CTNNA2: variants seen among roughly 807,000 people sequenced by gnomAD.
The protein encoded by CTNNA2 is catenin alpha 2.
CTNNA2 carries 42 observed loss-of-function variants against 101.0 expected under a neutral mutation model. The observed-to-expected ratio is 0.42, with a 90% CI of 0.32 to 0.54. The LOEUF is 0.54. CTNNA2 is among the 20% of genes least tolerant of loss of function. The pLI, the probability that CTNNA2 is intolerant of heterozygous loss-of-function variation, is 0.14. For synonymous variants in CTNNA2, 450 were observed against 456.4 expected, an observed-to-expected ratio of 0.99 and a Z score of 0.18; for missense variants, 871 against 1,223.1, an observed-to-expected ratio of 0.71 and a Z score of 4.29.
intron 2 of CTNNA2, among the ~76,000 whole-genome samples, chr2:79,284,197 G>A (rs367934246): frequency 0.04 from 477 of 11,998 alleles, 13 homozygotes; most frequent in Non-Finnish European, 0.044. Flanking sequence ...CAATCATGTC[G>A]TCTGCAAACA....
chr2:79,866,738 A>G (rs1049796590), intron 4 of CTNNA2, among the ~76,000 whole-genome samples: 7 of 152,194 alleles, frequency 4.6e-5, no homozygotes, highest in African/African-American at 1.7e-4. Context: ...TGGTGTCTCT[A>G]TTTAATGAGC....
chr2:80,093,921 G>A (rs1468826853), intron 7 of CTNNA2, among the ~76,000 whole-genome samples: 8 of 151,896 alleles, frequency 5.3e-5, no homozygotes, highest in Admixed American at 2.0e-4. Context: ...TGTCAGATGA[G>A]TAGGTTGCAA....
At chr2:80,307,893 G>C (rs904407994) in intron 7 of CTNNA2, among the ~76,000 whole-genome samples, 5 of 152,184 alleles carry the variant, frequency 3.3e-5, no homozygotes, top group African/African-American at 1.2e-4. Flanking sequence ...TGAAAATATG[G>C]ATTCAGCAAA....
At chr2:79,838,020 C>T (rs981439930) in intron 3 of CTNNA2, among the ~76,000 whole-genome samples, 2 of 151,934 alleles carry the variant, frequency 1.3e-5, no homozygotes, top group African/African-American at 2.4e-5. Flanking sequence ...TGGGCCAAGT[C>T]CTCTACACTG....
chr2:80,326,005 T>C (rs1679206181), intron 7 of CTNNA2, among the ~76,000 whole-genome samples: 1 of 152,166 alleles, frequency 6.6e-6, no homozygotes, highest in East Asian at 1.9e-4. Context: ...GCTTCATGCA[T>C]TTGGTCATGT....
intron 2 of CTNNA2, among the ~76,000 whole-genome samples, chr2:79,252,749 A>G (rs1418143659): frequency 6.6e-6 from 1 of 151,896 alleles, no homozygotes. Flanking sequence ...AATGCATTTT[A>G]TAATTGGTAT....
chr2:79,564,441 A>AT (rs996281350), intron 1 of CTNNA2, among the ~76,000 whole-genome samples: 7 of 152,072 alleles, frequency 4.6e-5, no homozygotes, highest in Non-Finnish European at 1.0e-4. Context: ...TTATTGATAT[A>AT]TTTTTACAGA....
chr2:79,780,134 C>T (rs1674314307), intron 3 of CTNNA2, among the ~76,000 whole-genome samples: 1 of 152,164 alleles, frequency 6.6e-6, no homozygotes, highest in Non-Finnish European at 1.5e-5. Context: ...TGTGAATCCA[C>T]CTAGAACTTG....
At chr2:79,321,396 T>G (rs551975440) in intron 3 of CTNNA2, among the ~76,000 whole-genome samples, 2 of 147,766 alleles carry the variant, frequency 1.4e-5, no homozygotes, top group African/African-American at 2.5e-5. Context: ...CGTATGAAAG[T>G]AATTTGGGGC....
At chr2:79,302,426 G>C (rs6760878) in intron 2 of CTNNA2, among the ~76,000 whole-genome samples, 55,175 of 151,946 alleles carry the variant, frequency 0.36, 10,691 homozygotes, top group African/African-American at 0.5. Context: ...TGTCACTTGA[G>C]TAAAGAGTAG....
chr2:79,677,929 A>G (rs1331976476), intron 2 of CTNNA2, among the ~76,000 whole-genome samples: 1 of 152,214 alleles, frequency 6.6e-6, no homozygotes, highest in Non-Finnish European at 1.5e-5. Context: ...ATGTTTTGCA[A>G]CTCACTGAGG....
At chr2:80,246,498 A>G (rs957171566) in intron 7 of CTNNA2, among the ~76,000 whole-genome samples, 2 of 152,234 alleles carry the variant, frequency 1.3e-5, no homozygotes, top group African/African-American at 4.8e-5. Flanking sequence ...GAAAATAATC[A>G]GAGCATTGGA....
intron 7 of CTNNA2, among the ~76,000 whole-genome samples, chr2:80,015,830 T>G (rs1694104692): frequency 6.6e-6 from 1 of 152,192 alleles, no homozygotes; most frequent in Non-Finnish European, 1.5e-5. Context: ...TCCATCTAAT[T>G]TTCATACCCA....
At chr2:80,230,365 G>A (rs1218404553) in intron 7 of CTNNA2, among the ~76,000 whole-genome samples, 2 of 150,664 alleles carry the variant, frequency 1.3e-5, no homozygotes, top group African/African-American at 4.9e-5. Flanking sequence ...CAAAGTGGTA[G>A]GATTGTAGGT....
chr2:79,962,915 T>TA (rs1334368827), intron 7 of CTNNA2, among the ~76,000 whole-genome samples: 1 of 151,566 alleles, frequency 6.6e-6, no homozygotes, highest in Non-Finnish European at 1.5e-5. Context: ...ACTAAAAATA[T>TA]AAAAAATTAA....
At chr2:79,655,512 T>TAA (rs1681547306) in intron 2 of CTNNA2, among the ~76,000 whole-genome samples, 1 of 152,172 alleles carries the variant, frequency 6.6e-6, no homozygotes, top group Non-Finnish European at 1.5e-5. Context: ...ATCTAAATCA[T>TAA]AGCACATCTA....
At chr2:79,448,918 T>C (rs1456410874) in intron 4 of CTNNA2, among the ~76,000 whole-genome samples, 1 of 152,048 alleles carries the variant, frequency 6.6e-6, no homozygotes, top group Non-Finnish European at 1.5e-5. Flanking sequence ...GCATGAACAA[T>C]CAAGGGGCCT....
chr2:80,093,540 A>G (rs533080882), intron 7 of CTNNA2, among the ~76,000 whole-genome samples: 1 of 152,296 alleles, frequency 6.6e-6, no homozygotes, highest in South Asian at 2.1e-4. Flanking sequence ...TGGCTGGGTC[A>G]AATGGTATTT....
intron 2 of CTNNA2, among the ~76,000 whole-genome samples, chr2:79,652,214 T>C (rs982637995): frequency 2.0e-5 from 3 of 150,512 alleles, no homozygotes; most frequent in African/African-American, 7.4e-5. Context: ...TTTGCTATTT[T>C]AACTCTGAGA....
Sources: gnomAD v4.1 joint callset for allele counts (sites outside exome capture counted in the v4.1 genomes callset) on GRCh38, gnomAD v4.1.1 for gene constraint, MANE v1.5 for transcripts, NCBI Gene and HGNC (gene_info 2026-07-23, HGNC 2026-07-21) for gene names.